Variants in SORCS1 observed in about 807,000 individuals in gnomAD.
The protein encoded by SORCS1 is sortilin related VPS10 domain containing receptor 1, also known as VPS10 domain-containing receptor SorCS1.
In SORCS1, 60 loss-of-function variants were observed where a neutral mutation model predicts 146.1. That is an observed-to-expected ratio of 0.41 (90% CI 0.33 to 0.51). The LOEUF is 0.51. Among genes scored for constraint, SORCS1 ranks in the 20% least tolerant of loss-of-function variants. The pLI is 0.21. For synonymous variants in SORCS1, 637 were observed against 584.0 expected (o/e 1.09, Z -1.31); for missense variants, 1,352 against 1,487.6 (o/e 0.91, Z 1.50).
In SORCS1 at chr10:107,164,595, G is replaced by A. The variant is rs556234456; in HGVS notation, c.-69C>T. ...GTGGCGGCACGAGCTCTGCGCTGGC[G>A]GCTGTGGGGGGCCGGCGCTCAGGAC... is the stretch of plus-strand genomic sequence containing the variant. On this transcript the variant is annotated 5_prime_UTR_variant, in exon 1 of 26. Coordinates refer to ENST00000263054, the MANE Select transcript of SORCS1 (RefSeq NM_052918.5). This position sits in a 1 kb window ranked among gnomAD's most constrained non-coding sequence, Gnocchi z 6.8. The A allele has an allele frequency of 1.6e-4, 197 of 1,230,274 alleles. 1 individual carries two copies. The African/African-American group carries it at 2.8e-3, about 17-fold the overall frequency. The allele number at this position is 1,230,274 out of a possible 1,614,324, so 76.2% of individuals were successfully genotyped here. A position where few individuals can be genotyped will look rare whatever the true frequency, so the allele number is the denominator to read the frequency against.
chr10:106,579,701 C>G (rs1335924232), intron 24 of SORCS1, among the ~76,000 whole-genome samples: 1 of 151,996 alleles, frequency 6.6e-6, no homozygotes, highest in South Asian at 2.1e-4. Flanking sequence ...AGCACAGACC[C>G]CAGGGCCAGG....
Position 106,776,521 on chromosome 10 carries a change from TA to T in SORCS1, c.885+12del. 1 of 1,613,564 alleles carries T rather than the reference TA, an allele frequency of 6.2e-7. No individual in the cohort carries two copies. The highest frequency in any genetic ancestry group is 1.1e-5 in the South Asian group (1 of 91,036). On this transcript the variant is annotated intron_variant, in intron 4 of 25. Coordinates refer to ENST00000263054, the MANE Select transcript of SORCS1 (RefSeq NM_052918.5). ...CCATGCTTCATTGTCTCAAACAAGG[TA>T]AGTATGCTCACCTTTTGGTCTTGAC... is the stretch of plus-strand genomic sequence containing the variant.
At chr10:106,976,771 CTTA>C (rs1956044658) in intron 1 of SORCS1, among the ~76,000 whole-genome samples, 1 of 152,176 alleles carries the variant, frequency 6.6e-6, no homozygotes, top group African/African-American at 2.4e-5. Context: ...TTAACTCCCA[CTTA>C]TGAGTGAGAA....
intron 3 of SORCS1, among the ~76,000 whole-genome samples, chr10:106,803,322 G>T (rs1947004498): frequency 6.6e-6 from 1 of 152,136 alleles, no homozygotes; most frequent in African/African-American, 2.4e-5. Flanking sequence ...ATAATATTTT[G>T]TATTACAAAA....
Position 106,747,896 on chromosome 10 carries a change from T to G in SORCS1, c.959+13692A>C, listed in dbSNP as rs187960081. 1.9e-3 allele frequency among the ~76,000 whole-genome samples: 286 copies of G among 152,342 alleles called. 2 individuals are homozygous for G. The highest frequency in any genetic ancestry group is 6.7e-3 in the African/African-American group (278 of 41,576). ...TATATATATATGTATCCCATAAATATGTACTATTACGTGTCAATTGAAATA... is the reference window on the plus strand; with the variant it reads ...TATATATATATGTATCCCATAAATAGGTACTATTACGTGTCAATTGAAATA... On this transcript the variant is annotated intron_variant, in intron 5 of 25. Transcript: ENST00000263054.
At chr10:106,965,557 G>C (rs1955458153) in intron 1 of SORCS1, among the ~76,000 whole-genome samples, 1 of 152,160 alleles carries the variant, frequency 6.6e-6, no homozygotes, top group African/African-American at 2.4e-5. Context: ...TACTCTGTGT[G>C]CCAGATATCA....
chr10:106,994,084 A>AAAAG, intron 1 of SORCS1, among the ~76,000 whole-genome samples: 2 of 149,000 alleles, frequency 1.3e-5, no homozygotes, highest in African/African-American at 5.1e-5. Context: ...AAAAAAAAAA[A>AAAAG]AAAGAAAATG....
chr10:106,930,269 G>A (rs868799812), intron 2 of SORCS1, among the ~76,000 whole-genome samples: 6 of 151,494 alleles, frequency 4.0e-5, no homozygotes, highest in African/African-American at 9.7e-5. Context: ...GCGACAGAGC[G>A]AGACTCTGTC....
chr10:106,883,707 C>T (rs1950891697), intron 2 of SORCS1, among the ~76,000 whole-genome samples: 1 of 152,190 alleles, frequency 6.6e-6, no homozygotes, highest in South Asian at 2.1e-4. Flanking sequence ...GCCACCACGC[C>T]CGGCCTTCAA....
At chr10:106,837,665 T>C (rs1589515721) in intron 2 of SORCS1, among the ~76,000 whole-genome samples, 1 of 151,194 alleles carries the variant, frequency 6.6e-6, no homozygotes, top group East Asian at 1.9e-4. Context: ...CATGTATAAT[T>C]TGCATTCCAA....
At chr10:106,623,784 G>A (rs758478899) in intron 19 of SORCS1, among the ~76,000 whole-genome samples, 17 of 152,088 alleles carry the variant, frequency 1.1e-4, no homozygotes, top group Non-Finnish European at 2.5e-4. Context: ...TCCTGCCCCA[G>A]CATCCCAAGT....
At chr10:106,776,492 A>G in intron 4 of SORCS1, 42 bp downstream of exon 4, 1 of 1,607,662 alleles carries the variant, frequency 6.2e-7, no homozygotes, top group East Asian at 2.2e-5. Flanking sequence ...TTTTCCCCGG[A>G]GAACCATGCT....
At chr10:106,857,935 C>T (rs923565583) in intron 2 of SORCS1, among the ~76,000 whole-genome samples, 1 of 152,144 alleles carries the variant, frequency 6.6e-6, no homozygotes, top group African/African-American at 2.4e-5. Flanking sequence ...AAGGAATCTG[C>T]CCCGAAATAC....
chr10:106,687,054 C>A (rs1182049295), intron 10 of SORCS1, among the ~76,000 whole-genome samples: 3 of 152,198 alleles, frequency 2.0e-5, no homozygotes, highest in Non-Finnish European at 4.4e-5. Context: ...AATGTAGACA[C>A]AACTTCTGAA....
At chr10:107,143,692 G>A (rs1293490782) in intron 1 of SORCS1, among the ~76,000 whole-genome samples, 1 of 152,066 alleles carries the variant, frequency 6.6e-6, no homozygotes. Flanking sequence ...TTTTAGTAGA[G>A]ATGGGGTTTC....
chr10:106,911,571 C>T (rs547607409), intron 2 of SORCS1, among the ~76,000 whole-genome samples: 1 of 152,206 alleles, frequency 6.6e-6, no homozygotes, highest in South Asian at 2.1e-4. Flanking sequence ...TCCCCACAGG[C>T]GATGTCACTG....
chr10:107,104,908 G>T (rs1030840521), intron 1 of SORCS1, among the ~76,000 whole-genome samples: 1 of 152,212 alleles, frequency 6.6e-6, no homozygotes, highest in African/African-American at 2.4e-5. Flanking sequence ...GTGGGAAATA[G>T]GATCTGGAAG....
In SORCS1 at chr10:106,948,732, G is replaced by A. The variant is rs539581948; in HGVS notation, c.626+7781C>T. Among the ~76,000 whole-genome samples the A allele has an allele frequency of 7.9e-5, 12 of 152,136 alleles. No homozygotes were observed. In the South Asian group the frequency reaches 2.3e-3, roughly 29 times the overall value. The stretch of plus-strand genomic sequence containing the variant: ...CCCAGCACTTTGGGAGGCTGAGACA[G>A]GCAGATCACAAGGTCAGGAGATTGA... On this transcript the variant is annotated intron_variant, in intron 2 of 25. Coordinates refer to ENST00000263054, the MANE Select transcript of SORCS1 (RefSeq NM_052918.5).
chr10:106,898,175 G>A (rs1951558620), intron 2 of SORCS1, among the ~76,000 whole-genome samples: 4 of 152,196 alleles, frequency 2.6e-5, no homozygotes. Context: ...GGTTCTATAT[G>A]GAAAGGTTTT....
Sources: allele counts gnomAD v4.1 joint callset (sites outside exome capture counted in the v4.1 genomes callset), GRCh38; gene constraint gnomAD v4.1.1; non-coding constraint Gnocchi (gnomAD v3.1); transcripts MANE v1.5; gene names NCBI Gene and HGNC (gene_info 2026-07-23, HGNC 2026-07-21).